ZBTB37: variants seen among roughly 807,000 people sequenced by gnomAD.
ZBTB37 encodes the protein zinc finger and BTB domain containing 37, also known as zinc finger and BTB domain-containing protein 37.
ZBTB37 carries 15 observed loss-of-function variants against 37.7 expected under a neutral mutation model. The observed-to-expected ratio is 0.40, with a 90% CI of 0.27 to 0.61. The LOEUF is 0.61. Among genes scored for constraint, ZBTB37 ranks in the 20% least tolerant of loss-of-function variants. ZBTB37 has a pLI of 0.44. For synonymous variants in ZBTB37, 231 were observed against 220.6 expected, an observed-to-expected ratio of 1.05 and a Z score of -0.42; for missense variants, 514 against 641.9, an observed-to-expected ratio of 0.80 and a Z score of 2.15.
intron 4 of ZBTB37, among the ~76,000 whole-genome samples, chr1:173,878,150 C>T (rs1469271195): frequency 6.6e-6 from 1 of 152,164 alleles, no homozygotes; most frequent in Non-Finnish European, 1.5e-5. Flanking sequence ...CAGCCAAGGT[C>T]CAGCTCCTAG....
At chr1:173,880,676 G>C (rs1656245305) in intron 4 of ZBTB37, among the ~76,000 whole-genome samples, 1 of 152,162 alleles carries the variant, frequency 6.6e-6, no homozygotes, top group South Asian at 2.1e-4. Context: ...AGAGAACCAT[G>C]AGGCTAGCCG....
At chr1:173,876,391 C>T (rs1655969976) in intron 4 of ZBTB37, among the ~76,000 whole-genome samples, 2 of 152,070 alleles carry the variant, frequency 1.3e-5, no homozygotes, top group South Asian at 4.1e-4. Flanking sequence ...AGCCTTGGCT[C>T]ACTGCAACCT....
chr1:173,890,896 A>C (rs1656815963), downstream of ZBTB37: 1 of 152,208 alleles, frequency 6.6e-6, no homozygotes, highest in Admixed American at 6.5e-5. Context: ...GTTAGAAAAA[A>C]TTTGCCAACT....
chr1:173,883,407 A>T (rs1482367811), intron 4 of ZBTB37, among the ~76,000 whole-genome samples: 1 of 152,136 alleles, frequency 6.6e-6, no homozygotes, highest in African/African-American at 2.4e-5. Context: ...TGAACCCGGG[A>T]GGCGGAGGTT....
chr1:173,885,627 C>T lies in ZBTB37; in HGVS notation c.1024-9C>T. On this transcript the variant is annotated splice_polypyrimidine_tract_variant and intron_variant, in intron 4 of 4. Coordinates refer to ENST00000427304, the Ensembl canonical transcript of ZBTB37. Reference sequence around the variant, plus strand: ...GTTCTTTCTTGGTTATTTTCCTTACCTGGTACAGGTAGAAGAGTCAGCAAT... The same window carrying T: ...GTTCTTTCTTGGTTATTTTCCTTACTTGGTACAGGTAGAAGAGTCAGCAAT... 6.5e-7 allele frequency: 1 copy of T among 1,537,838 alleles called. No homozygotes were observed. Among genetic ancestry groups the T allele is most frequent in the Non-Finnish European group, 8.8e-7 (1 of 1,138,798 alleles).
chr1:173,899,143 G>A (rs1006833166), exon 4 of ZBTB37: 5 of 151,750 alleles, frequency 3.3e-5, no homozygotes, highest in African/African-American at 9.7e-5. Context: ...TAAGAATCTT[G>A]TAGGGAGATG....
chr1:173,900,661 G>A (rs935002373), exon 4 of ZBTB37: 1 of 152,210 alleles, frequency 6.6e-6, no homozygotes, highest in Non-Finnish European at 1.5e-5. Flanking sequence ...GAAAAAGTAG[G>A]TCAAGGAGAA....
intron 3 of ZBTB37, 53 bp downstream of exon 3, chr1:173,871,201 A>G (rs1655540470): frequency 1.3e-6 from 2 of 1,481,992 alleles, no homozygotes; most frequent in Middle Eastern, 2.3e-4. Context: ...TGTAGACATC[A>G]CTAAAGTGTC....
intron 4 of ZBTB37, among the ~76,000 whole-genome samples, chr1:173,885,223 T>C (rs1656558818): frequency 6.6e-6 from 1 of 152,154 alleles, no homozygotes; most frequent in Non-Finnish European, 1.5e-5. Context: ...TGAGAGACCC[T>C]GTCTCAAAAC....
exon 4 of ZBTB37, chr1:173,895,677 G>C (rs1329895156): frequency 6.6e-6 from 1 of 152,162 alleles, no homozygotes; most frequent in Non-Finnish European, 1.5e-5. Flanking sequence ...TTTCATACAG[G>C]AAAATTCATC....
At chr1:173,902,960 G>T (rs1657326745) in exon 4 of ZBTB37, 1 of 152,136 alleles carries the variant, frequency 6.6e-6, no homozygotes, top group East Asian at 1.9e-4. Context: ...AGTTTCACTG[G>T]GGAAAAACTA....
intron 4 of ZBTB37, among the ~76,000 whole-genome samples, chr1:173,876,345 T>C (rs2102731025): frequency 6.6e-6 from 1 of 152,168 alleles, no homozygotes; most frequent in African/African-American, 2.4e-5. Flanking sequence ...TTAGATGGAG[T>C]CTGGCTCTGT....
downstream of ZBTB37, chr1:173,887,241 A>C (rs2102752736): frequency 1.3e-5 from 2 of 152,286 alleles, no homozygotes; most frequent in Middle Eastern, 3.4e-3. Context: ...TCATTTCCTT[A>C]TACATATGTA....
intron 4 of ZBTB37, 105 bp downstream of exon 4, chr1:173,873,671 C>T: frequency 2.0e-6 from 3 of 1,486,998 alleles, no homozygotes; most frequent in Non-Finnish European, 2.7e-6. Flanking sequence ...GTAACAATGG[C>T]CCTGTTAAAG....
chr1:173,877,525 C>T (rs1173883516), intron 4 of ZBTB37, among the ~76,000 whole-genome samples: 2 of 152,074 alleles, frequency 1.3e-5, no homozygotes, highest in Non-Finnish European at 2.9e-5. Context: ...GGACCACTGG[C>T]ATGTGCCACC....
exon 4 of ZBTB37, chr1:173,895,639 T>C (rs1370286921): frequency 6.6e-6 from 1 of 152,244 alleles, no homozygotes; most frequent in African/African-American, 2.4e-5. Context: ...TGCTCGAAGA[T>C]GAATCAATTC....
chr1:173,896,977 A>G (rs866866924), exon 4 of ZBTB37: 4 of 152,254 alleles, frequency 2.6e-5, no homozygotes, highest in African/African-American at 7.2e-5. Context: ...TGGCATTTCT[A>G]ATATTTTTAC....
At chr1:173,887,207 A>G (rs1340223613), downstream of ZBTB37, 1 of 152,190 alleles carries the variant, frequency 6.6e-6, no homozygotes. Context: ...ATTCAACACT[A>G]TGGTTCTTAC....
chr1:173,892,182 G>A (rs971830610), exon 4 of ZBTB37: 3 of 152,148 alleles, frequency 2.0e-5, no homozygotes, highest in African/African-American at 7.2e-5. Flanking sequence ...TAACCTGGAA[G>A]GTGGGACTTG....
Sources: allele counts gnomAD v4.1 joint callset (sites outside exome capture counted in the v4.1 genomes callset), GRCh38; gene constraint gnomAD v4.1.1; transcripts MANE v1.5; gene names NCBI Gene and HGNC (gene_info 2026-07-23, HGNC 2026-07-21).